The following DPF3 variants were observed in gnomAD, a reference collection of about 807,000 sequenced individuals.
DPF3 encodes the protein zinc finger protein DPF3.
In DPF3, 18 loss-of-function variants were observed where a neutral mutation model predicts 56.8. The ratio of observed to expected loss-of-function variants is 0.32; its 90% CI spans 0.22 to 0.47. The LOEUF (loss-of-function observed/expected upper bound fraction) is 0.47, where lower values mean the gene tolerates loss of function less well. DPF3 is among the 20% of genes least tolerant of loss of function. DPF3 has a pLI of 1.00. For synonymous variants in DPF3, 188 were observed against 180.2 expected, an observed-to-expected ratio of 1.04 and a Z score of -0.35; for missense variants, 403 against 488.8, an observed-to-expected ratio of 0.82 and a Z score of 1.65.
chr14:72,759,894 T>C (rs933862801), intron 2 of DPF3, among the ~76,000 whole-genome samples: 2 of 152,018 alleles, frequency 1.3e-5, no homozygotes, highest in South Asian at 2.1e-4. Flanking sequence ...AAAAAACTTG[T>C]CAAACTAGAA....
chr14:72,850,598 A>G (rs1176609899), intron 1 of DPF3, among the ~76,000 whole-genome samples: 2 of 152,214 alleles, frequency 1.3e-5, no homozygotes, highest in Non-Finnish European at 2.9e-5. Context: ...TGCCTTGGGC[A>G]TGCCAGAGAG....
intron 9 of DPF3, among the ~76,000 whole-genome samples, chr14:72,622,307 A>G (rs1401916346): frequency 2.0e-5 from 3 of 152,342 alleles, no homozygotes; most frequent in African/African-American, 7.2e-5. Flanking sequence ...AGGCAGAGAA[A>G]AAAAGACTGA....
intron 8 of DPF3, among the ~76,000 whole-genome samples, chr14:72,650,270 C>G (rs991497008): frequency 1.3e-5 from 2 of 152,186 alleles, no homozygotes; most frequent in African/African-American, 2.4e-5. Flanking sequence ...AAAACCAGGT[C>G]AAGGCCACTT....
At chr14:72,781,894 G>A (rs1367559958) in intron 1 of DPF3, among the ~76,000 whole-genome samples, 1 of 152,114 alleles carries the variant, frequency 6.6e-6, no homozygotes, top group East Asian at 1.9e-4. Context: ...TTTATCTAGG[G>A]TGAATCATAC....
chr14:72,876,063 G>T (rs1174724943), intron 1 of DPF3, among the ~76,000 whole-genome samples: 9 of 152,248 alleles, frequency 5.9e-5, no homozygotes, highest in African/African-American at 9.6e-5. Context: ...AAGAGGAGGA[G>T]GAGGAAGAGA....
chr14:72,825,690 TGCCCAGCCCAGCCCA>T (rs71961480), intron 1 of DPF3, among the ~76,000 whole-genome samples: 38,143 of 147,378 alleles, frequency 0.26, 5,367 homozygotes, highest in Non-Finnish European at 0.31. Flanking sequence ...CCACAGGCTC[TGCCCAGCCCAGCCCA>T]GCCCAGCCCA....
At chr14:72,670,641 C>A in intron 8 of DPF3, 5 of 952,036 alleles carry the variant, frequency 5.3e-6, no homozygotes, top group Middle Eastern at 5.4e-4. Context: ...TCCCTTCTCT[C>A]TCTCTCTCTC....
intron 6 of DPF3, among the ~76,000 whole-genome samples, chr14:72,698,410 G>A (rs918873632): frequency 1.3e-5 from 2 of 152,212 alleles, no homozygotes; most frequent in Admixed American, 1.3e-4. Flanking sequence ...TGGGCATGGT[G>A]GCTTACACCT....
chr14:72,812,875 C>T (rs1433586450), intron 1 of DPF3, among the ~76,000 whole-genome samples: 1 of 152,104 alleles, frequency 6.6e-6, no homozygotes, highest in Admixed American at 6.5e-5. Context: ...GGGTGAGGCT[C>T]CCTGAGAGGG....
chr14:72,690,317 C>A (rs1055750551), intron 7 of DPF3, among the ~76,000 whole-genome samples: 4 of 152,170 alleles, frequency 2.6e-5, no homozygotes, highest in Admixed American at 2.6e-4. Flanking sequence ...GTGCTTGTCT[C>A]AGAAGTCAAC....
chr14:72,649,351 A>G (rs1168487391), intron 8 of DPF3, among the ~76,000 whole-genome samples: 1 of 152,132 alleles, frequency 6.6e-6, no homozygotes, highest in Admixed American at 6.6e-5. Flanking sequence ...CACAGCAAGC[A>G]GAAAATTAGT....
chr14:72,749,276 T>C (rs190606659), intron 3 of DPF3, among the ~76,000 whole-genome samples: 47 of 152,376 alleles, frequency 3.1e-4, no homozygotes, highest in African/African-American at 1.1e-3. Flanking sequence ...ACTGCCATGC[T>C]GGATTTTGAA....
At chr14:72,685,550 A>G (rs1034690681) in intron 7 of DPF3, among the ~76,000 whole-genome samples, 1 of 152,202 alleles carries the variant, frequency 6.6e-6, no homozygotes, top group Admixed American at 6.5e-5. Flanking sequence ...AGACCTAAAT[A>G]AGTAAACTCT....
intron 8 of DPF3, chr14:72,671,191 C>G: frequency 1.2e-6 from 2 of 1,613,952 alleles, no homozygotes; most frequent in African/African-American, 1.3e-5. Flanking sequence ...GCGGCGTCCT[C>G]GACAGGAGCG....
At chr14:72,850,806 C>CGT (rs1237397930) in intron 1 of DPF3, among the ~76,000 whole-genome samples, 1 of 117,710 alleles carries the variant, frequency 8.5e-6, no homozygotes, top group Non-Finnish European at 1.8e-5. Context: ...TGCATGTGTG[C>CGT]ATGTGTGTGT....
At chr14:72,727,575 C>T (rs1257578774) in intron 4 of DPF3, among the ~76,000 whole-genome samples, 1 of 115,646 alleles carries the variant, frequency 8.6e-6, no homozygotes, top group Admixed American at 8.9e-5. Flanking sequence ...GACTCCATCT[C>T]AAAAAAAAAA....
chr14:72,689,979 G>A lies in DPF3; in HGVS notation c.742+3097C>T, dbSNP rs12436770. Among the ~76,000 whole-genome samples the A allele has an allele frequency of 2.4e-3, 362 of 152,170 alleles. 1 individual carries two copies. Among genetic ancestry groups the A allele is most frequent in the Middle Eastern group, 0.014 (4 of 294 alleles). ...CTTCGTGTGGGGAGGCCCCGGATCC[G>A]CCTGGGAATACCTATTATTTTCTAG... is the stretch of plus-strand genomic sequence containing the variant. On this transcript the variant is annotated intron_variant, in intron 7 of 10. Transcript: ENST00000556509.
Position 72,759,674 on chromosome 14 carries a change from T to C in DPF3, c.194-6303A>G, listed in dbSNP as rs113771444. ...GATGAAAACTATAAACCCATAGGTC[T>C]AAGCAGCTCAATAAAGCTAGGTACA... On this transcript the variant is annotated intron_variant, in intron 2 of 10. Coordinates refer to ENST00000556509, the MANE Select transcript of DPF3 (RefSeq NM_001280542.3). Among the ~76,000 whole-genome samples the C allele has an allele frequency of 2.0e-3, 305 of 152,232 alleles. 2 individuals carry two copies. The highest frequency in any genetic ancestry group is 7.1e-3 in the African/African-American group (296 of 41,544).
In DPF3 at chr14:72,616,345, T is replaced by C. The variant is rs55813562; in HGVS notation, c.*2952A>G. ...AATCTTATAGAAGGAGTATCCTGAGTACCTTCATTTTAAAGTCCCCAACCC... is the reference window on the plus strand; with the variant it reads ...AATCTTATAGAAGGAGTATCCTGAGCACCTTCATTTTAAAGTCCCCAACCC... On this transcript the variant is annotated 3_prime_UTR_variant, in exon 11 of 11. Coordinates refer to ENST00000556509, the MANE Select transcript of DPF3 (RefSeq NM_001280542.3). Among the ~76,000 whole-genome samples the C allele has an allele frequency of 0.16, 23,635 of 152,002 alleles. 2,513 individuals are homozygous for C. Among genetic ancestry groups the C allele is most frequent in the African/African-American group, 0.3 (12,600 of 41,418 alleles).
Sources: gnomAD v4.1 joint callset for allele counts (sites outside exome capture counted in the v4.1 genomes callset) on GRCh38, gnomAD v4.1.1 for gene constraint, MANE v1.5 for transcripts, NCBI Gene and HGNC (gene_info 2026-07-23, HGNC 2026-07-21) for gene names.